Variants in ZMYND8 observed in about 807,000 individuals in gnomAD.
ZMYND8 encodes MYND-type zinc finger-containing chromatin reader ZMYND8.
Under a neutral mutation model 140.8 loss-of-function variants are expected in ZMYND8, and 37 were observed. That is an observed-to-expected ratio of 0.26 (90% CI 0.20 to 0.35). The LOEUF is 0.35. Ranked by LOEUF, ZMYND8 falls within the 10% of genes least tolerant of loss-of-function variation. The pLI is 1.00. For missense variants in ZMYND8, 1,068 were observed against 1,570.0 expected, an observed-to-expected ratio of 0.68 and a Z score of 5.40; for synonymous variants, 592 against 597.1, an observed-to-expected ratio of 0.99 and a Z score of 0.12.
intron 1 of ZMYND8, among the ~76,000 whole-genome samples, chr20:47,354,834 G>A (rs1349881283): frequency 1.3e-5 from 2 of 152,174 alleles, no homozygotes; most frequent in Non-Finnish European, 2.9e-5. Context: ...ACTTCTAGCT[G>A]CAGCCTTAAG....
At chr20:47,313,132 AG>A (rs2079071909) in intron 2 of ZMYND8, among the ~76,000 whole-genome samples, 1 of 151,596 alleles carries the variant, frequency 6.6e-6, no homozygotes, top group Non-Finnish European at 1.5e-5. Context: ...TGAGAGGCCG[AG>A]GGGGAAGGAT....
intron 10 of ZMYND8, among the ~76,000 whole-genome samples, chr20:47,279,003 C>T (rs1037227860): frequency 1.3e-5 from 2 of 151,866 alleles, no homozygotes; most frequent in African/African-American, 2.4e-5. Context: ...GGCAGGGCCA[C>T]CAGGAGCTTA....
At chr20:47,334,605 A>AAAT (rs773739583) in intron 2 of ZMYND8, among the ~76,000 whole-genome samples, 63 of 141,722 alleles carry the variant, frequency 4.4e-4, no homozygotes, top group Admixed American at 1.1e-3. Context: ...GAAAAAAAAA[A>AAAT]ATATATATAT....
chr20:47,255,480 G>A (rs1477632017), intron 12 of ZMYND8, among the ~76,000 whole-genome samples: 3 of 149,918 alleles, frequency 2.0e-5, no homozygotes, highest in Non-Finnish European at 4.4e-5. Context: ...AAGCCGAGGT[G>A]GAGATATAAA....
In ZMYND8 at chr20:47,210,852, T is replaced by C. The variant is rs1421651175; in HGVS notation, c.3614A>G (p.Lys1205Arg). Residue 1205 changes from lysine (K) to arginine (R), a missense_variant, in exon 23 of 23, where the codon AAG becomes AGG. This residue lies in a region of ZMYND8 where 180 missense variants were observed against 187.8 expected (regional missense o/e 0.96). Coordinates refer to ENST00000471951, the MANE Select transcript of ZMYND8 (RefSeq NM_001281775.3). ...GTGATCGGAACGTGTCGATCCCCTC[T>C]TCTCATCACTGCTGCTCCAACTGGA... is the stretch of plus-strand genomic sequence containing the variant. ...NKSSWSSSDE[K>R]RGSTRSDHNT... 6.2e-7 allele frequency: 1 copy of C among 1,614,128 alleles called. No individual in the cohort carries two copies. Among genetic ancestry groups the C allele is most frequent in the Non-Finnish European group, 8.5e-7 (1 of 1,180,022 alleles).
At chr20:47,255,800 T>C (rs1399130557) in intron 12 of ZMYND8, among the ~76,000 whole-genome samples, 6 of 105,538 alleles carry the variant, frequency 5.7e-5, no homozygotes, top group East Asian at 2.6e-4. Flanking sequence ...TATATATATA[T>C]ACCGTATATA....
chr20:47,220,352 C>A, intron 20 of ZMYND8, 28 bp from the exon 21 acceptor site: 1 of 1,533,948 alleles, frequency 6.5e-7, no homozygotes, highest in South Asian at 1.2e-5. Context: ...AAAAGATGGA[C>A]TCAAGGCACT....
At chr20:47,292,018 G>C in intron 5 of ZMYND8, 130 bp from the exon 6 acceptor site, 2 of 687,088 alleles carry the variant, frequency 2.9e-6, no homozygotes, top group South Asian at 2.4e-5. Flanking sequence ...TTTCCATAAA[G>C]GATGACCGTG....
At chr20:47,223,817 ACT>A (rs1467120367) in intron 19 of ZMYND8, among the ~76,000 whole-genome samples, 7 of 149,808 alleles carry the variant, frequency 4.7e-5, no homozygotes, top group African/African-American at 1.5e-4. Flanking sequence ...CAAGAGCGAA[ACT>A]CTGTCTCAAA....
At chr20:47,349,583 T>A (rs1290423562) in intron 1 of ZMYND8, among the ~76,000 whole-genome samples, 1 of 152,160 alleles carries the variant, frequency 6.6e-6, no homozygotes, top group Non-Finnish European at 1.5e-5. Flanking sequence ...TGTTGATGGG[T>A]TCTGGCTTGG....
intron 2 of ZMYND8, among the ~76,000 whole-genome samples, chr20:47,330,295 T>C (rs1029221004): frequency 2.0e-5 from 3 of 150,294 alleles, no homozygotes; most frequent in Non-Finnish European, 4.4e-5. Flanking sequence ...GCTCAAGATA[T>C]CCTCCCACCT....
chr20:47,342,099 G>A lies in ZMYND8; in HGVS notation c.85+5757C>T, dbSNP rs559106265. On this transcript the variant is annotated intron_variant, in intron 2 of 22. Coordinates refer to ENST00000471951, the MANE Select transcript of ZMYND8 (RefSeq NM_001281775.3). ...AGGCAGGAGAATCATTTGAAACCAG[G>A]AGGCAGAGGTTGCAATGAGCCGAGA... Among the ~76,000 whole-genome samples, 366 of 152,156 alleles carry A rather than the reference G, an allele frequency of 2.4e-3. 4 individuals carry two copies. Among genetic ancestry groups the A allele is most frequent in the African/African-American group, 8.4e-3 (350 of 41,526 alleles).
intron 10 of ZMYND8, among the ~76,000 whole-genome samples, chr20:47,278,274 CACCCAA>C (rs1469293259): frequency 6.6e-6 from 1 of 152,220 alleles, no homozygotes; most frequent in Non-Finnish European, 1.5e-5. Context: ...TGAGCCGCTG[CACCCAA>C]CCTCCAAGGT....
At chr20:47,217,168 C>G (rs2036247970) in intron 21 of ZMYND8, among the ~76,000 whole-genome samples, 1 of 152,128 alleles carries the variant, frequency 6.6e-6, no homozygotes, top group Non-Finnish European at 1.5e-5. Context: ...AGAAACAAGA[C>G]AGTTAGTAGA....
intron 14 of ZMYND8, among the ~76,000 whole-genome samples, chr20:47,241,741 C>G (rs536734695): frequency 5.9e-5 from 9 of 152,156 alleles, no homozygotes; most frequent in African/African-American, 1.9e-4. Flanking sequence ...CAGGTACAAG[C>G]CAGCACCCCG....
intron 11 of ZMYND8, among the ~76,000 whole-genome samples, chr20:47,267,614 C>T (rs779170403): frequency 1.8e-4 from 27 of 152,126 alleles, no homozygotes; most frequent in Non-Finnish European, 2.5e-4. Context: ...TCTTCCAGGG[C>T]ACTCTCCACA....
chr20:47,324,684 GCCT>G (rs1443620334), intron 2 of ZMYND8, among the ~76,000 whole-genome samples: 2 of 152,018 alleles, frequency 1.3e-5, no homozygotes, highest in South Asian at 2.1e-4. Context: ...AACCCCAATG[GCCT>G]CCTTTCAGCT....
intron 17 of ZMYND8, among the ~76,000 whole-genome samples, chr20:47,228,406 G>T (rs1290954620): frequency 6.6e-6 from 1 of 152,156 alleles, no homozygotes; most frequent in Non-Finnish European, 1.5e-5. Context: ...GTGGGGGACT[G>T]CATATTATAA....
At chr20:47,318,292 G>A (rs2148319282) in intron 2 of ZMYND8, among the ~76,000 whole-genome samples, 1 of 152,220 alleles carries the variant, frequency 6.6e-6, no homozygotes, top group East Asian at 1.9e-4. Flanking sequence ...GTAATCACCA[G>A]TCCTCCCCTT....
Sources: gnomAD v4.1 joint callset for allele counts (sites outside exome capture counted in the v4.1 genomes callset) on GRCh38, gnomAD v4.1.1 for gene constraint, gnomAD v4.1.1 regional missense constraint, MANE v1.5 for transcripts, NCBI Gene and HGNC (gene_info 2026-07-23, HGNC 2026-07-21) for gene names.